The following ST3GAL2 variants were observed in gnomAD, a reference collection of about 807,000 sequenced individuals.
The protein encoded by ST3GAL2 is CMP-N-acetylneuraminate-beta-galactosamide-alpha-2,3-sialyltransferase 2.
In ST3GAL2, 16 loss-of-function variants were observed where a neutral mutation model predicts 37.5. That is an observed-to-expected ratio of 0.43 (90% CI 0.29 to 0.65). The LOEUF (loss-of-function observed/expected upper bound fraction) is 0.65, where lower values mean the gene tolerates loss of function less well. Among genes scored for constraint, ST3GAL2 ranks in the 30% least tolerant of loss-of-function variants. The pLI is 0.17. For synonymous variants in ST3GAL2, 238 were observed against 202.9 expected (o/e 1.17, Z -1.47); for missense variants, 383 against 487.8 (o/e 0.79, Z 2.02).
chr16:70,416,067 A>G (rs989161258), intron 1 of ST3GAL2, among the ~76,000 whole-genome samples: 2 of 151,172 alleles, frequency 1.3e-5, no homozygotes, highest in Non-Finnish European at 3.0e-5. Flanking sequence ...TGAGCCACCG[A>G]GCCCAGCTTC....
intron 1 of ST3GAL2, among the ~76,000 whole-genome samples, chr16:70,431,721 T>C (rs897554024): frequency 6.6e-6 from 1 of 150,622 alleles, no homozygotes; most frequent in Non-Finnish European, 1.5e-5. Context: ...CCCAGCACTT[T>C]GGGAGGCCGA....
chr16:70,436,458 GAAAAAA>G (rs58205790), intron 1 of ST3GAL2, among the ~76,000 whole-genome samples: 3 of 112,368 alleles, frequency 2.7e-5, no homozygotes, highest in African/African-American at 1.0e-4. Flanking sequence ...CTCAAAAAAA[GAAAAAA>G]AAAAAAAAAA....
intron 1 of ST3GAL2, among the ~76,000 whole-genome samples, chr16:70,401,517 A>T (rs894295947): frequency 3.9e-5 from 6 of 151,968 alleles, no homozygotes; most frequent in African/African-American, 1.5e-4. Context: ...AGCCATGGGG[A>T]GGAGCTAAAA....
intron 1 of ST3GAL2, among the ~76,000 whole-genome samples, chr16:70,422,263 A>C (rs2047720229): frequency 6.6e-6 from 1 of 152,210 alleles, no homozygotes; most frequent in Non-Finnish European, 1.5e-5. Context: ...TTAAATGAGC[A>C]ATGACTGTAG....
Position 70,398,272 on chromosome 16 carries a change from T to A in ST3GAL2, c.259A>T (p.Ser87Cys), listed in dbSNP as rs748494799. 1 of 1,613,362 alleles carries A rather than the reference T, an allele frequency of 6.2e-7. No individual in the cohort carries two copies. Among genetic ancestry groups the A allele is most frequent in the Non-Finnish European group, 8.5e-7 (1 of 1,180,034 alleles). ...GGGGAAATGTTACCGTCAAAGTGGCTGTCAAACCAGTCGGAGGCACCGGCA... is the reference window on the plus strand; with the variant it reads ...GGGGAAATGTTACCGTCAAAGTGGCAGTCAAACCAGTCGGAGGCACCGGCA... ...GDAGASDWFD[S>C]HFDGNISPVW... The change falls in exon 2 of 7, where the codon AGC becomes TGC. Residue 87 changes from serine (S) to cysteine (C), a missense_variant. Physicochemically the swap from Ser to Cys is moderately radical, Grantham distance 112 (BLOSUM62 -1). Around this residue, in one of 2 missense-constraint regions of ST3GAL2, gnomAD observed 223 missense variants for 239.1 expected, o/e 0.93. Coordinates refer to ENST00000342907, the MANE Select transcript of ST3GAL2 (RefSeq NM_006927.4).
Position 70,381,685 on chromosome 16 carries a change from C to T in ST3GAL2, c.*4G>A, listed in dbSNP as rs774056917. 7 of 1,612,760 alleles carry T rather than the reference C, an allele frequency of 4.3e-6. No individual in the cohort carries two copies. Among genetic ancestry groups the T allele is most frequent in the Non-Finnish European group, 4.2e-6 (5 of 1,179,422 alleles). On this transcript the variant is annotated 3_prime_UTR_variant, in exon 7 of 7. Transcript: ENST00000342907. ...GGGCCGGAAGGGTCGCGGCGAGGCC[C>T]GGCTCAGTTGCCCCGGTAGACTTCG... is the stretch of plus-strand genomic sequence containing the variant.
intron 6 of ST3GAL2, among the ~76,000 whole-genome samples, chr16:70,382,421 TACAGGC>T (rs2047412711): frequency 6.6e-6 from 1 of 152,056 alleles, no homozygotes; most frequent in African/African-American, 2.4e-5. Flanking sequence ...TAGCTAAGAT[TACAGGC>T]GTGCCCCAAC....
chr16:70,432,422 C>G (rs1322855534), intron 1 of ST3GAL2, among the ~76,000 whole-genome samples: 1 of 150,476 alleles, frequency 6.6e-6, no homozygotes, highest in Non-Finnish European at 1.5e-5. Flanking sequence ...CAGGAAACCA[C>G]CAGGGCTCAG....
intron 1 of ST3GAL2, among the ~76,000 whole-genome samples, chr16:70,415,762 C>CTTTTTT (rs1203693372): frequency 2.4e-3 from 281 of 115,900 alleles, no homozygotes; most frequent in African/African-American, 7.8e-3. Context: ...TTCCAAGATT[C>CTTTTTT]TTTTTTTTTT....
chr16:70,382,930 A>T lies in ST3GAL2; in HGVS notation c.760-6T>A. 6.2e-7 allele frequency: 1 copy of T among 1,612,504 alleles called. No individual in the cohort carries two copies. ...GCTGGGTTGTAGATCTGGACCTGGG[A>T]GGAGAAGGGATGACAGGTATATGAG... On this transcript the variant is annotated splice_polypyrimidine_tract_variant and splice_region_variant and intron_variant, in intron 5 of 6. Transcript: ENST00000342907.
rs1007390228 is a variant in ST3GAL2 at position 70,399,172 on chromosome 16, C to T, written c.-642G>A. ...TGTGGGAAAACTCCGCTGCAGAGAT[C>T]GAGATCCTTTCCGCAGTAGGTCTTG... On this transcript the variant is annotated 5_prime_UTR_variant, in exon 2 of 7. Transcript: ENST00000342907. 2 of 398,854 alleles carry T rather than the reference C, an allele frequency of 5.0e-6. No individual in the cohort carries two copies. Among genetic ancestry groups the T allele is most frequent in the African/African-American group, 2.1e-5 (1 of 48,636 alleles). The allele number at this position is 398,854 out of a possible 1,614,324, so 24.7% of individuals were successfully genotyped here. A position where few individuals can be genotyped will look rare whatever the true frequency, so the allele number is the denominator to read the frequency against.
chr16:70,404,420 T>G (rs2047575344), intron 1 of ST3GAL2, among the ~76,000 whole-genome samples: 1 of 152,150 alleles, frequency 6.6e-6, no homozygotes, highest in South Asian at 2.1e-4. Flanking sequence ...CCAGGGGTAT[T>G]GCGAGGCTCA....
intron 1 of ST3GAL2, among the ~76,000 whole-genome samples, chr16:70,408,894 A>C (rs1470696952): frequency 6.7e-4 from 31 of 46,282 alleles, no homozygotes; most frequent in South Asian, 1.4e-3. Context: ...AAGAAACAAA[A>C]AAAAAAAAAA....
At chr16:70,394,574 C>T (rs1422948840) in intron 3 of ST3GAL2, among the ~76,000 whole-genome samples, 2 of 152,152 alleles carry the variant, frequency 1.3e-5, no homozygotes, top group Admixed American at 6.6e-5. Flanking sequence ...CACAGGGTTT[C>T]GCCATGTTAC....
At chr16:70,383,012 T>C in intron 5 of ST3GAL2, 88 bp from the exon 6 acceptor site, 1 of 1,584,616 alleles carries the variant, frequency 6.3e-7, no homozygotes, top group Non-Finnish European at 8.6e-7. Flanking sequence ...TCTATGCCTG[T>C]CAGAGACCTG....
chr16:70,414,472 C>A (rs1458944152), intron 1 of ST3GAL2, among the ~76,000 whole-genome samples: 1 of 152,178 alleles, frequency 6.6e-6, no homozygotes, highest in African/African-American at 2.4e-5. Context: ...CAGTCTTTCA[C>A]CTGACTAGTG....
intron 1 of ST3GAL2, among the ~76,000 whole-genome samples, chr16:70,420,777 T>A (rs1597573413): frequency 6.6e-6 from 1 of 152,210 alleles, no homozygotes; most frequent in East Asian, 1.9e-4. Context: ...GCTATGCTCA[T>A]GGAAACTCAA....
At position 70,402,307 on chromosome 16, in the gene ST3GAL2, AAG is replaced by A. The variant is rs1258514139; in HGVS notation, c.-1003-2776_-1003-2775del. ...TCAAAAAAAAAAAAAAAAAAAAAAA[AAG>A]AATGGATAAATTGTGGTGCATTTTG... is the stretch of plus-strand genomic sequence containing the variant. On this transcript the variant is annotated intron_variant, in intron 1 of 6. Transcript: ENST00000342907. 1.3e-3 allele frequency among the ~76,000 whole-genome samples: 203 copies of A among 151,490 alleles called. 1 individual carries two copies. The highest frequency in any genetic ancestry group is 2.6e-3 in the Admixed American group (40 of 15,204).
rs776944832 is a variant in ST3GAL2 at position 70,395,008 on chromosome 16, G to A, written c.507C>T (p.Asp169=). 38 of 1,613,624 alleles carry A rather than the reference G, an allele frequency of 2.4e-5. 1 individual carries two copies. The highest frequency in any genetic ancestry group is 2.6e-5 in the Non-Finnish European group (31 of 1,179,920). Residue 169 remains aspartate, a synonymous_variant, in exon 3 of 7, where the codon GAC becomes GAT. Transcript: ENST00000342907. ...GNLRGSGYGQ[D]VDGHNFIMRM... ...TCATGATGAAGTTGTGCCCGTCCACGTCCTGCCCATAGCCAGAGCCCCGCA... is the reference window on the plus strand; with the variant it reads ...TCATGATGAAGTTGTGCCCGTCCACATCCTGCCCATAGCCAGAGCCCCGCA...
Sources: allele counts gnomAD v4.1 joint callset (sites outside exome capture counted in the v4.1 genomes callset), GRCh38; gene constraint gnomAD v4.1.1; regional missense constraint gnomAD v4.1.1; transcripts MANE v1.5; gene names NCBI Gene and HGNC (gene_info 2026-07-23, HGNC 2026-07-21).